The following CSMD1 variants were observed in gnomAD, a reference collection of about 807,000 sequenced individuals.
CSMD1 encodes CUB and sushi domain-containing protein 1.
In CSMD1, 213 loss-of-function variants were observed where a neutral mutation model predicts 417.5. The ratio of observed to expected loss-of-function variants is 0.51; its 90% CI spans 0.46 to 0.57. CSMD1 has a LOEUF of 0.57. CSMD1 is among the 20% of genes least tolerant of loss of function. The pLI is 0.00. For synonymous variants in CSMD1, 2,862 were observed against 1,736.8 expected (o/e 1.65, Z -16.11); for missense variants, 6,923 against 4,529.7 (o/e 1.53, Z -15.17).
chr8:3,039,797 A>T (rs1408396529), intron 50 of CSMD1, among the ~76,000 whole-genome samples: 1 of 152,202 alleles, frequency 6.6e-6, no homozygotes, highest in Non-Finnish European at 1.5e-5. Context: ...ACTTAATTTA[A>T]GGAGATTGCG....
At chr8:4,698,599 T>A (rs545715970) in intron 1 of CSMD1, among the ~76,000 whole-genome samples, 3 of 10,574 alleles carry the variant, frequency 2.8e-4, no homozygotes, top group South Asian at 6.3e-3. Context: ...ATGATAGAAA[T>A]TTTTTTTTTT....
chr8:3,091,477 A>G (rs773645297), intron 48 of CSMD1, 39 bp downstream of exon 48: 31 of 1,499,994 alleles, frequency 2.1e-5, no homozygotes, highest in Non-Finnish European at 2.2e-5. Flanking sequence ...CACCTGTTTT[A>G]AAATACTTTC....
At chr8:4,051,915 T>TCTTC (rs1461421449) in intron 3 of CSMD1, among the ~76,000 whole-genome samples, 1 of 137,010 alleles carries the variant, frequency 7.3e-6, no homozygotes. Context: ...TTCCTTCCTT[T>TCTTC]CTTTCTTTTT....
chr8:4,665,623 C>A (rs959083569), intron 1 of CSMD1, among the ~76,000 whole-genome samples: 1 of 152,160 alleles, frequency 6.6e-6, no homozygotes, highest in Non-Finnish European at 1.5e-5. Context: ...TGCATGCAGC[C>A]TTTTGCAATG....
In CSMD1 at chr8:3,778,707, C is replaced by T. The variant is rs547819749; in HGVS notation, c.819-24665G>A. On this transcript the variant is annotated intron_variant, in intron 5 of 69. Transcript: ENST00000635120. ...TCAGAGCTGGCCAAAGATCATCTTC[C>T]GAGCACCGCTTCCTTTCTGCAGGGC... Among the ~76,000 whole-genome samples, 18 of 152,284 alleles carry T rather than the reference C, an allele frequency of 1.2e-4. 1 individual carries two copies. In the South Asian group the frequency reaches 2.3e-3, roughly 19 times the overall value.
At chr8:4,000,589 C>T (rs562345711) in intron 4 of CSMD1, among the ~76,000 whole-genome samples, 12 of 152,244 alleles carry the variant, frequency 7.9e-5, no homozygotes, top group African/African-American at 1.9e-4. Context: ...TTTCTTTAAA[C>T]GCAAATATAA....
At chr8:4,621,841 A>G (rs1801795029) in intron 2 of CSMD1, among the ~76,000 whole-genome samples, 1 of 152,148 alleles carries the variant, frequency 6.6e-6, no homozygotes, top group Admixed American at 6.6e-5. Context: ...ACGACCAAGT[A>G]GGCTGTACTC....
intron 49 of CSMD1, among the ~76,000 whole-genome samples, chr8:3,077,023 C>T (rs921760501): frequency 2.4e-5 from 3 of 123,254 alleles, no homozygotes; most frequent in African/African-American, 9.2e-5. Context: ...TTTTGGAGTC[C>T]TAAGTGCACT....
At chr8:4,448,195 GTTT>G (rs1053305032) in intron 2 of CSMD1, among the ~76,000 whole-genome samples, 3 of 152,108 alleles carry the variant, frequency 2.0e-5, no homozygotes, top group Non-Finnish European at 2.9e-5. Flanking sequence ...ATTTTTAAAA[GTTT>G]TTTAACACTG....
chr8:4,020,785 A>G (rs1796750249), intron 4 of CSMD1, among the ~76,000 whole-genome samples: 1 of 152,220 alleles, frequency 6.6e-6, no homozygotes, highest in Non-Finnish European at 1.5e-5. Flanking sequence ...AAGGTCTGAA[A>G]TGAGATTTCT....
At chr8:3,232,880 C>A (rs190547493) in intron 26 of CSMD1, among the ~76,000 whole-genome samples, 27 of 151,932 alleles carry the variant, frequency 1.8e-4, no homozygotes, top group Non-Finnish European at 2.6e-4. Flanking sequence ...GTCTTACCTT[C>A]TTCTTTAATA....
At chr8:4,775,874 G>A (rs35262936) in intron 1 of CSMD1, among the ~76,000 whole-genome samples, 1 of 152,106 alleles carries the variant, frequency 6.6e-6, no homozygotes, top group Admixed American at 6.6e-5. Flanking sequence ...ATGTACCATA[G>A]GACAGAAAAG....
chr8:4,044,585 A>G (rs1798051947), intron 3 of CSMD1, among the ~76,000 whole-genome samples: 1 of 152,198 alleles, frequency 6.6e-6, no homozygotes, highest in South Asian at 2.1e-4. Context: ...CCGGAAGGAT[A>G]ATTAAATCCG....
chr8:3,671,030 G>A (rs1330164780), intron 7 of CSMD1, among the ~76,000 whole-genome samples: 11 of 76,458 alleles, frequency 1.4e-4, no homozygotes, highest in African/African-American at 4.7e-4. Context: ...TGGGATATAT[G>A]CATATGGGAT....
intron 1 of CSMD1, among the ~76,000 whole-genome samples, chr8:4,960,738 A>T (rs1477342162): frequency 6.6e-6 from 1 of 152,202 alleles, no homozygotes; most frequent in Non-Finnish European, 1.5e-5. Flanking sequence ...ATAAAATTGC[A>T]AATTCCTTTA....
chr8:4,777,613 T>A (rs150390304), intron 1 of CSMD1, among the ~76,000 whole-genome samples: 183 of 152,314 alleles, frequency 1.2e-3, no homozygotes, highest in Middle Eastern at 0.01. Flanking sequence ...TACCCTTTGA[T>A]TGTTTTTAGA....
intron 3 of CSMD1, among the ~76,000 whole-genome samples, chr8:4,080,345 A>G (rs181126613): frequency 6.6e-6 from 1 of 151,540 alleles, no homozygotes; most frequent in Admixed American, 6.6e-5. Flanking sequence ...TCACAAGTGA[A>G]AGGTGAAGCA....
chr8:4,818,500 C>A (rs949316495), intron 1 of CSMD1, among the ~76,000 whole-genome samples: 13 of 152,124 alleles, frequency 8.5e-5, no homozygotes, highest in African/African-American at 2.7e-4. Flanking sequence ...GTTTAGCATA[C>A]ATTAAATACA....
Position 2,999,967 on chromosome 8 carries a change from C to A in CSMD1, c.8194G>T (p.Val2732Phe). 5 of 1,607,972 alleles carry A rather than the reference C, an allele frequency of 3.1e-6. No individual in the cohort carries two copies. Among genetic ancestry groups the A allele is most frequent in the Non-Finnish European group, 4.2e-6 (5 of 1,178,114 alleles). The change falls in exon 53 of 70, where the codon GTC becomes TTC. Residue 2732 changes from valine to phenylalanine, a missense_variant. Transcript: ENST00000635120. ...QDHKWSGQTP[V>F]CVPITCGHPG... ...CAAAGAGTGCACTTACGGACACAGACAGGCGTTTGTCCAGACCACTTGTGG... is the reference window on the plus strand; with the variant it reads ...CAAAGAGTGCACTTACGGACACAGAAAGGCGTTTGTCCAGACCACTTGTGG...
Sources: allele counts gnomAD v4.1 joint callset (sites outside exome capture counted in the v4.1 genomes callset), GRCh38; gene constraint gnomAD v4.1.1; transcripts MANE v1.5; gene names NCBI Gene and HGNC (gene_info 2026-07-23, HGNC 2026-07-21).